The following MGA variants were observed in gnomAD, a reference collection of about 807,000 sequenced individuals.
MGA encodes the protein MAX dimerization protein MGA.
MGA carries 40 observed loss-of-function variants against 261.1 expected under a neutral mutation model. The observed-to-expected ratio is 0.15, with a 90% CI of 0.12 to 0.20. The LOEUF (loss-of-function observed/expected upper bound fraction) is 0.20, where lower values mean the gene tolerates loss of function less well. MGA is among the 10% of genes least tolerant of loss of function. MGA has a pLI of 1.00. For missense variants in MGA, 3,397 were observed against 3,630.5 expected, an observed-to-expected ratio of 0.94 and a Z score of 1.65; for synonymous variants, 1,302 against 1,290.6, an observed-to-expected ratio of 1.01 and a Z score of -0.19.
In MGA at chr15:41,768,351, T is replaced by TGA. The variant is rs2063901561; in HGVS notation, c.*1072_*1073insAG. On this transcript the variant is annotated 3_prime_UTR_variant, in exon 24 of 24. Coordinates refer to ENST00000219905, the MANE Select transcript of MGA (RefSeq NM_001164273.2). The stretch of plus-strand genomic sequence containing the variant: ...CTGTAGAGCTTTTTCACTCATTAAC[T>TGA]GTCAGGATATGAAGGACTGACAGTC... The TGA allele has an allele frequency of 6.6e-6, 1 of 152,668 alleles. No individual in the cohort carries two copies. The highest frequency in any genetic ancestry group is 2.4e-5 in the African/African-American group (1 of 41,456). 9.5% of individuals were successfully genotyped at this position (152,668 alleles called of 1,614,324 possible).
At chr15:41,658,609 G>T (rs75591760), upstream of MGA, among the ~76,000 whole-genome samples, 1 of 151,696 alleles carries the variant, frequency 6.6e-6, no homozygotes, top group South Asian at 2.1e-4. Context: ...GACATCTCCC[G>T]ACCTCTCTAG....
intron 9 of MGA, among the ~76,000 whole-genome samples, chr15:41,722,122 A>ATTTTTTTTTTTTTTTTTTTTTTT (rs35690314): frequency 1.1e-5 from 1 of 87,740 alleles, no homozygotes. Context: ...AAGTAGGCCA[A>ATTTTTTTTTTTTTTTTTTTTTTT]TTTTTTTTTT....
rs1424922312 is a variant in MGA, at chr15:41,711,144, A to T, written c.2879A>T (p.Asp960Val). The T allele has an allele frequency of 3.1e-6, 5 of 1,613,890 alleles. No individual in the cohort carries two copies. The highest frequency in any genetic ancestry group is 4.2e-6 in the Non-Finnish European group (5 of 1,179,902). Residue 960 changes from aspartate to valine, a missense_variant, in exon 8 of 24, where the codon GAT becomes GTT. By Grantham distance (152) the Asp-to-Val change is radical. Coordinates refer to ENST00000219905, the MANE Select transcript of MGA (RefSeq NM_001164273.2). ...AATAACTTTGTTGTGCCAACTTTGG[A>T]TGAAAATATATTTCCAAAGCAGATT... is the stretch of plus-strand genomic sequence containing the variant.
chr15:41,722,105 A>G (rs909424040), intron 9 of MGA, among the ~76,000 whole-genome samples: 4 of 151,062 alleles, frequency 2.6e-5, no homozygotes, highest in African/African-American at 9.7e-5. Flanking sequence ...ATTAATATAA[A>G]CTTTTAAAGT....
chr15:41,765,351 T>A (rs2063745328), intron 23 of MGA, among the ~76,000 whole-genome samples: 1 of 152,214 alleles, frequency 6.6e-6, no homozygotes, highest in Admixed American at 6.5e-5. Context: ...GATCATGGTC[T>A]TAGGTCTTGG....
In MGA at chr15:41,761,727, T is replaced by A. The variant is rs779502623; in HGVS notation, c.7399-12T>A. On this transcript the variant is annotated splice_polypyrimidine_tract_variant and intron_variant, in intron 20 of 23. Transcript: ENST00000219905. ...GGATCAATTTTCAATAATACCACTATTTGTATTCTAGGCCTTCAGTGAAAT... is the reference window on the plus strand; with the variant it reads ...GGATCAATTTTCAATAATACCACTAATTGTATTCTAGGCCTTCAGTGAAAT... The A allele has an allele frequency of 6.6e-7, 1 of 1,518,250 alleles. No individual in the cohort carries two copies. Among genetic ancestry groups the A allele is most frequent in the East Asian group, 2.3e-5 (1 of 43,128 alleles). The allele number at this position is 1,518,250 out of a possible 1,614,324, so 94.0% of individuals were successfully genotyped here. A position where few individuals can be genotyped will look rare whatever the true frequency, so the allele number is the denominator to read the frequency against.
rs2062659124 is a variant in MGA at position 41,748,773 on chromosome 15, G to A, written c.5349G>A (p.Gln1783=). The change falls in exon 16 of 24, where the codon CAG becomes CAA. Residue 1783 remains glutamine, a synonymous_variant. Transcript: ENST00000219905. Reference sequence around the variant, plus strand: ...GACCTGTCTCAAACACACAACTTCAGGGACATCGGATGGTCTTGCAGCCTG... The same window carrying A: ...GACCTGTCTCAAACACACAACTTCAAGGACATCGGATGGTCTTGCAGCCTG... 3 of 1,613,768 alleles carry A rather than the reference G, an allele frequency of 1.9e-6. No individual in the cohort carries two copies. Among genetic ancestry groups the A allele is most frequent in the Non-Finnish European group, 2.5e-6 (3 of 1,179,892 alleles).
chr15:41,663,646 TTTTTTGTAG>T (rs1479028878), intron 1 of MGA, among the ~76,000 whole-genome samples: 1 of 152,096 alleles, frequency 6.6e-6, no homozygotes, highest in African/African-American at 2.4e-5. Context: ...ATTTTTTGTA[TTTTTTGTAG>T]AGAGAGGGTT....
rs751886916 is a variant in MGA, at chr15:41,749,548, A to G, written c.5941A>G (p.Thr1981Ala). The change falls in exon 17 of 24, where the codon ACA becomes GCA. Residue 1981 changes from threonine (T) to alanine (A), a missense_variant. Thr to Ala is a moderately conservative substitution (Grantham distance 58). Coordinates refer to ENST00000219905, the MANE Select transcript of MGA (RefSeq NM_001164273.2). Reference sequence around the variant, plus strand: ...TCAGAATCCAGACCAGAAAGATGAAACAAACTCAATAAAAAGAGAGCAAGA... The same window carrying G: ...TCAGAATCCAGACCAGAAAGATGAAGCAAACTCAATAAAAAGAGAGCAAGA... 3.0e-5 allele frequency: 48 copies of G among 1,613,862 alleles called. No individual in the cohort carries two copies. The highest frequency in any genetic ancestry group is 3.9e-5 in the Non-Finnish European group (46 of 1,179,886).
chr15:41,697,649 C>T (rs2059611399), intron 3 of MGA, among the ~76,000 whole-genome samples: 3 of 152,052 alleles, frequency 2.0e-5, no homozygotes, highest in Non-Finnish European at 4.4e-5. Context: ...CTTCTGGCCT[C>T]CAGCAGTCTG....
chr15:41,722,739 T>C (rs932418016), intron 9 of MGA, among the ~76,000 whole-genome samples: 7 of 152,198 alleles, frequency 4.6e-5, no homozygotes, highest in African/African-American at 1.7e-4. Flanking sequence ...GTTAGTGTGC[T>C]GTATTAGCAT....
At chr15:41,708,019 C>A in intron 6 of MGA, 85 bp from the exon 7 acceptor site, 2 of 1,362,086 alleles carry the variant, frequency 1.5e-6, no homozygotes, top group South Asian at 1.4e-5. Flanking sequence ...TATACACTTA[C>A]CAAATTAAAG....
chr15:41,724,865 G>T (rs368681351), intron 9 of MGA, among the ~76,000 whole-genome samples: 14 of 151,620 alleles, frequency 9.2e-5, no homozygotes, highest in African/African-American at 3.2e-4. Context: ...GATTGTGCCC[G>T]TATGTTTACC....
intron 13 of MGA, among the ~76,000 whole-genome samples, chr15:41,738,536 A>G (rs1048707135): frequency 2.6e-5 from 4 of 152,170 alleles, no homozygotes; most frequent in African/African-American, 9.7e-5. Flanking sequence ...TCTCTACCTT[A>G]TATATTGATT....
chr15:41,668,553 TTGTG>T (rs1412219170), intron 1 of MGA, among the ~76,000 whole-genome samples: 2 of 152,194 alleles, frequency 1.3e-5, no homozygotes, highest in Non-Finnish European at 2.9e-5. Flanking sequence ...TTTTGTTTCT[TTGTG>T]TGAGATTATA....
chr15:41,762,465 T>G (rs993942574), intron 22 of MGA, 103 bp downstream of exon 22: 7 of 286,720 alleles, frequency 2.4e-5, no homozygotes, highest in Admixed American at 7.3e-5. Context: ...TGTGTGGTTT[T>G]TTTTTTTTTT....
chr15:41,747,662 C>T (rs1021335733), intron 15 of MGA, among the ~76,000 whole-genome samples: 1 of 151,962 alleles, frequency 6.6e-6, no homozygotes, highest in African/African-American at 2.4e-5. Flanking sequence ...CACCACTGCA[C>T]TCTAGCCTGG....
Position 41,699,178 on chromosome 15 carries a change from CTT to C in MGA, c.2188+27_2188+28del. 1 of 1,439,994 alleles carries C rather than the reference CTT, an allele frequency of 6.9e-7. No individual in the cohort carries two copies. The highest frequency in any genetic ancestry group is 9.3e-7 in the Non-Finnish European group (1 of 1,072,532). 89.2% of individuals were successfully genotyped at this position (1,439,994 alleles called of 1,614,324 possible). A position where few individuals can be genotyped will look rare whatever the true frequency, so the allele number is the denominator to read the frequency against. The stretch of plus-strand genomic sequence containing the variant: ...CAAGAAGGTAATAGACTAGCGACTT[CTT>C]TTTTTTTGTTTTCTTTTTTTCTTTC... On this transcript the variant is annotated intron_variant, in intron 5 of 23. Transcript: ENST00000219905.
chr15:41,694,787 C>T (rs1417206221), intron 2 of MGA, among the ~76,000 whole-genome samples: 1 of 152,154 alleles, frequency 6.6e-6, no homozygotes, highest in Non-Finnish European at 1.5e-5. Flanking sequence ...ACTGGGATTA[C>T]AGGCGTGAGC....
Sources: allele counts gnomAD v4.1 joint callset (sites outside exome capture counted in the v4.1 genomes callset), GRCh38; gene constraint gnomAD v4.1.1; transcripts MANE v1.5; gene names NCBI Gene and HGNC (gene_info 2026-07-23, HGNC 2026-07-21).